Variants in MS4A18 observed in about 807,000 individuals in gnomAD.
The protein encoded by MS4A18 is membrane spanning 4-domains A18.
In MS4A18, 27 loss-of-function variants were observed where a neutral mutation model predicts 13.1. The observed-to-expected ratio is 2.06, with a 90% CI of 1.52 to 2.84. The LOEUF (loss-of-function observed/expected upper bound fraction) is 2.84, where lower values mean the gene tolerates loss of function less well. MS4A18 is among the 30% of genes most tolerant of loss of function. The probability of loss-of-function intolerance (pLI) is 0.00; values close to 1 mark genes in which losing one functional copy is unlikely to be tolerated. For missense variants in MS4A18, 307 were observed against 196.4 expected (o/e 1.56, Z -3.37); for synonymous variants, 126 against 76.5 (o/e 1.65, Z -3.38).
At chr11:60,735,822 C>G (rs1229096183) in intron 2 of MS4A18, among the ~76,000 whole-genome samples, 2 of 151,476 alleles carry the variant, frequency 1.3e-5, no homozygotes, top group East Asian at 3.9e-4. Context: ...CACCACCACT[C>G]CCAGCTAATT....
chr11:60,726,758 T>TTTTA (rs1240225815), upstream of MS4A18, among the ~76,000 whole-genome samples: 2 of 151,004 alleles, frequency 1.3e-5, no homozygotes, highest in Non-Finnish European at 1.5e-5. Flanking sequence ...TTTTATTTTA[T>TTTTA]TTTATTTTAT....
chr11:60,737,954 C>T (rs1853365402), intron 3 of MS4A18, among the ~76,000 whole-genome samples: 2 of 152,218 alleles, frequency 1.3e-5, no homozygotes, highest in African/African-American at 4.8e-5. Flanking sequence ...CTCACACCAC[C>T]TGTTCATATC....
chr11:60,727,400 A>G (rs1853183011), upstream of MS4A18, among the ~76,000 whole-genome samples: 1 of 152,228 alleles, frequency 6.6e-6, no homozygotes, highest in Non-Finnish European at 1.5e-5. Flanking sequence ...TAATAAATGA[A>G]GGAACTGAGA....
intron 1 of MS4A18, among the ~76,000 whole-genome samples, chr11:60,732,172 C>A (rs544944340): frequency 2.0e-5 from 3 of 151,886 alleles, no homozygotes; most frequent in East Asian, 1.9e-4. Context: ...TCATCCTGGA[C>A]GGGGGCTCAG....
intron 2 of MS4A18, among the ~76,000 whole-genome samples, chr11:60,735,500 ATTTTTTTTT>A (rs56136215): frequency 9.1e-6 from 1 of 110,102 alleles, no homozygotes; most frequent in African/African-American, 3.6e-5. Context: ...TGCCCGGCTA[ATTTTTTTTT>A]TTTTTTTTTT....
intron 5 of MS4A18, among the ~76,000 whole-genome samples, chr11:60,741,787 C>T (rs540069903): frequency 2.0e-5 from 3 of 152,276 alleles, no homozygotes; most frequent in Admixed American, 2.0e-4. Flanking sequence ...TATGCTCAAC[C>T]CATATTTTGG....
upstream of MS4A18, among the ~76,000 whole-genome samples, chr11:60,726,715 C>CTTATTTTATTTTATTTTATTTT (rs1853165970): frequency 2.9e-5 from 3 of 103,144 alleles, no homozygotes; most frequent in African/African-American, 1.1e-4. Flanking sequence ...ATTGGGGTAA[C>CTTATTTTATTTTATTTTATTTT]ACTTTTATTT....
intron 1 of MS4A18, among the ~76,000 whole-genome samples, chr11:60,730,750 A>C (rs1853241848): frequency 6.6e-6 from 1 of 152,214 alleles, no homozygotes; most frequent in Non-Finnish European, 1.5e-5. Flanking sequence ...CTCCCAAACA[A>C]ATCAAAATCA....
At chr11:60,744,574 TA>T (rs1853459763), downstream of MS4A18, among the ~76,000 whole-genome samples, 1 of 152,114 alleles carries the variant, frequency 6.6e-6, no homozygotes, top group African/African-American at 2.4e-5. Context: ...CTTGCTAAGA[TA>T]AAAAGTCATA....
upstream of MS4A18, among the ~76,000 whole-genome samples, chr11:60,725,256 C>T (rs566571937): frequency 3.7e-4 from 57 of 152,230 alleles, no homozygotes; most frequent in South Asian, 0.01. Flanking sequence ...TGCAGTGGCG[C>T]GATCTCGGCT....
intron 1 of MS4A18, among the ~76,000 whole-genome samples, chr11:60,732,885 C>T (rs1853277988): frequency 6.6e-6 from 1 of 152,158 alleles, no homozygotes. Flanking sequence ...GCTCTTGAGG[C>T]TGAAGCAAAT....
intron 1 of MS4A18, among the ~76,000 whole-genome samples, chr11:60,731,943 G>A (rs1853260293): frequency 6.6e-6 from 1 of 152,100 alleles, no homozygotes; most frequent in Admixed American, 6.6e-5. Context: ...TGGGAACAGG[G>A]TTCATTAATA....
intron 4 of MS4A18, among the ~76,000 whole-genome samples, chr11:60,740,603 G>C (rs143624207): frequency 0.011 from 1,616 of 152,286 alleles, 13 homozygotes; most frequent in Non-Finnish European, 0.013. Flanking sequence ...TCTCAGTTTG[G>C]GTTCCTCCCA....
At chr11:60,739,805 C>T (rs1853391178) in intron 4 of MS4A18, among the ~76,000 whole-genome samples, 1 of 152,204 alleles carries the variant, frequency 6.6e-6, no homozygotes, top group Non-Finnish European at 1.5e-5. Context: ...ACATCAGTAA[C>T]ATTGACACAG....
chr11:60,742,851 C>T (rs1853429747), intron 5 of MS4A18, among the ~76,000 whole-genome samples: 2 of 152,198 alleles, frequency 1.3e-5, no homozygotes, highest in South Asian at 4.1e-4. Flanking sequence ...ACCCAAATGA[C>T]ATTTTCATTA....
At chr11:60,735,458 A>G (rs544846036) in intron 2 of MS4A18, among the ~76,000 whole-genome samples, 80 of 145,822 alleles carry the variant, frequency 5.5e-4, no homozygotes, top group African/African-American at 1.7e-3. Context: ...CTCAGCCTCC[A>G]GAGTAGCTGG....
At chr11:60,732,505 G>A (rs1325252338) in intron 1 of MS4A18, among the ~76,000 whole-genome samples, 4 of 151,850 alleles carry the variant, frequency 2.6e-5, no homozygotes, top group Admixed American at 1.3e-4. Context: ...CGAGGCGGGC[G>A]GTTCACGAGG....
chr11:60,736,868 C>A, intron 2 of MS4A18, 110 bp from the exon 4 acceptor site: 1 of 640,168 alleles, frequency 1.6e-6, no homozygotes, highest in South Asian at 1.8e-5. Flanking sequence ...TTTTGTGAAA[C>A]AAGGTGCATA....
At position 60,729,535 on chromosome 11, in the gene MS4A18, C is replaced by T; in HGVS notation, c.220C>T (p.Gln74Ter). 1 of 702,780 alleles carries T rather than the reference C, an allele frequency of 1.4e-6. No individual in the cohort carries two copies. The highest frequency in any genetic ancestry group is 1.5e-5 in the South Asian group (1 of 67,592). The allele number at this position is 702,780 out of a possible 1,614,324, so 43.5% of individuals were successfully genotyped here. Residue 74 changes from glutamine (Q) to a stop codon, truncating the protein, a stop_gained, in exon 1 of 6, where the codon CAG (glutamine) becomes TAG (stop). Transcript: ENST00000529108. LOFTEE classifies it high-confidence loss of function. ...GAACCAGAACTCAGCAGCAGGTGTA[C>T]AGAGTCAACCCATTGGGTATCAGCG...
Sources: allele counts gnomAD v4.1 joint callset (sites outside exome capture counted in the v4.1 genomes callset), GRCh38; gene constraint gnomAD v4.1.1; transcripts MANE v1.5; gene names NCBI Gene and HGNC (gene_info 2026-07-23, HGNC 2026-07-21).